The following STYXL1 variants were observed in gnomAD, a reference collection of about 807,000 sequenced individuals.
STYXL1 encodes the protein serine/threonine/tyrosine interacting like 1.
A neutral mutation model predicts 36.4 loss-of-function variants in STYXL1; 32 were observed. The observed-to-expected ratio is 0.88, with a 90% CI of 0.66 to 1.18. The LOEUF (loss-of-function observed/expected upper bound fraction) is 1.18, where lower values mean the gene tolerates loss of function less well. STYXL1 is among the 50% of genes most tolerant of loss of function. The probability of loss-of-function intolerance (pLI) is 0.00; values close to 1 mark genes in which losing one functional copy is unlikely to be tolerated. For synonymous variants in STYXL1, 133 were observed against 144.1 expected, an observed-to-expected ratio of 0.92 and a Z score of 0.55; for missense variants, 354 against 394.1, an observed-to-expected ratio of 0.90 and a Z score of 0.86.
intron 1 of STYXL1, chr7:76,044,690 T>G (rs1403603339): frequency 6.6e-6 from 1 of 152,258 alleles, no homozygotes; most frequent in Non-Finnish European, 1.5e-5. Context: ...CAGTTCCTTT[T>G]TTCCCCCCTT....
At chr7:76,028,379 C>T (rs1327948674) in intron 3 of STYXL1, among the ~76,000 whole-genome samples, 6 of 152,104 alleles carry the variant, frequency 3.9e-5, no homozygotes, top group African/African-American at 1.4e-4. Flanking sequence ...TGTGCCACTG[C>T]ACTCCAGCCT....
Position 76,013,789 on chromosome 7 carries a change from C to A in STYXL1, c.406G>T (p.Gly136Cys), listed in dbSNP as rs1554572986. The change falls in exon 5 of 9, where the codon GGC (glycine) becomes TGC (cysteine). Residue 136 changes from glycine (G) to cysteine (C), a missense_variant. Transcript: ENST00000359697. ...TGGGTCCGGAGAAAGTGGTACGTGCCTGAGAAGCGCTCATAGCCCCCTTTC... is the reference window on the plus strand; with the variant it reads ...TGGGTCCGGAGAAAGTGGTACGTGCATGAGAAGCGCTCATAGCCCCCTTTC... ...ILKGGYERFS[G>C]TYHFLRTQKI... 5.6e-6 allele frequency: 9 copies of A among 1,613,798 alleles called. No individual in the cohort carries two copies. The highest frequency in any genetic ancestry group is 7.6e-6 in the Non-Finnish European group (9 of 1,179,974).
chr7:76,009,007 C>CCAAAA (rs1401084872), intron 5 of STYXL1, among the ~76,000 whole-genome samples: 8 of 151,542 alleles, frequency 5.3e-5, no homozygotes, highest in Middle Eastern at 3.4e-3. Context: ...CAAAAAAAAA[C>CCAAAA]CAAAACAAAA....
At position 76,046,917 on chromosome 7, in the gene STYXL1, C is replaced by T. The variant is rs1039589836; in HGVS notation, c.-5+745G>A. 9.2e-5 allele frequency among the ~76,000 whole-genome samples: 14 copies of T among 151,532 alleles called. No homozygotes were observed. The East Asian group carries it at 2.8e-3, about 31-fold the overall frequency. On this transcript the variant is annotated intron_variant, in intron 1 of 8. Coordinates refer to ENST00000359697, the MANE Select transcript of STYXL1 (RefSeq NM_001317785.2). Reference sequence around the variant, plus strand: ...CGGCCCGCCTCAGCCTCCCAGAGTGCTGGGATTACAGGCATGAGCCACCTT... The same window carrying T: ...CGGCCCGCCTCAGCCTCCCAGAGTGTTGGGATTACAGGCATGAGCCACCTT...
At chr7:76,023,484 C>T (rs1359225063) in intron 3 of STYXL1, among the ~76,000 whole-genome samples, 2 of 152,070 alleles carry the variant, frequency 1.3e-5, no homozygotes, top group Non-Finnish European at 2.9e-5. Context: ...GCACTTCAGC[C>T]TCCTGAGTAG....
intron 8 of STYXL1, 62 bp downstream of exon 8, chr7:76,000,828 G>T: frequency 6.8e-7 from 1 of 1,460,318 alleles, no homozygotes; most frequent in Non-Finnish European, 9.6e-7. Flanking sequence ...CTCCCAGGTT[G>T]CGCTCTGACC....
intron 4 of STYXL1, 109 bp downstream of exon 4, chr7:76,021,742 G>C: frequency 2.5e-6 from 2 of 793,806 alleles, no homozygotes; most frequent in Non-Finnish European, 4.3e-6. Context: ...TGCTGTCTCA[G>C]TGTCATTGGC....
At chr7:76,016,281 T>A (rs530640855) in intron 4 of STYXL1, among the ~76,000 whole-genome samples, 323 of 151,672 alleles carry the variant, frequency 2.1e-3, no homozygotes, top group Non-Finnish European at 3.8e-3. Context: ...TGTGTATATA[T>A]GTATATCTAT....
At position 76,011,772 on chromosome 7, in the gene STYXL1, C is replaced by G. The variant is rs148867004; in HGVS notation, c.453+1970G>C. 2.3e-3 allele frequency among the ~76,000 whole-genome samples: 347 copies of G among 152,352 alleles called. 3 individuals are homozygous for G. The Middle Eastern group carries it at 0.027, about 12-fold the overall frequency. On this transcript the variant is annotated intron_variant, in intron 5 of 8. Transcript: ENST00000359697. ...CCAGTTCTCTTCCTCGAAATCTCCT[C>G]CTCCGTCAGATTTGGCTCTGGGAAG...
rs1159067824 is a variant in STYXL1, at chr7:76,026,192, C to CAAAAAAAAAAAAAAAAAA, written c.165+2432_165+2449dup. Among the ~76,000 whole-genome samples the CAAAAAAAAAAAAAAAAAA allele has an allele frequency of 4.3e-4, 8 of 18,624 alleles. 3 individuals are homozygous for CAAAAAAAAAAAAAAAAAA. Among genetic ancestry groups the CAAAAAAAAAAAAAAAAAA allele is most frequent in the Non-Finnish European group, 6.1e-4 (7 of 11,488 alleles). The allele number at this position is 18,624 out of a possible 152,430, so 12.2% of individuals were successfully genotyped here. ...GGAGGACAGAGCAAGACTCTGTCTC[C>CAAAAAAAAAAAAAAAAAA]AAAAAAAAAAAAAAAAAAAAAAAAA... On this transcript the variant is annotated intron_variant, in intron 3 of 8. Coordinates refer to ENST00000359697, the MANE Select transcript of STYXL1 (RefSeq NM_001317785.2).
intron 1 of STYXL1, among the ~76,000 whole-genome samples, chr7:76,034,256 C>T (rs1554580224): frequency 6.9e-6 from 1 of 145,386 alleles, no homozygotes; most frequent in East Asian, 1.9e-4. Context: ...GCACATGCCA[C>T]CATGGCCGGC....
intron 7 of STYXL1, among the ~76,000 whole-genome samples, chr7:76,001,619 G>A (rs1332974703): frequency 2.6e-5 from 4 of 151,694 alleles, no homozygotes; most frequent in East Asian, 2.0e-4. Flanking sequence ...TTAACCTCCC[G>A]AGTACCTGGG....
At chr7:76,041,826 T>G (rs552758824) in intron 1 of STYXL1, among the ~76,000 whole-genome samples, 1 of 152,208 alleles carries the variant, frequency 6.6e-6, no homozygotes, top group Non-Finnish European at 1.5e-5. Flanking sequence ...TTTACGATCA[T>G]AGAAATCAGG....
At chr7:76,015,962 C>G (rs1793252386) in intron 4 of STYXL1, among the ~76,000 whole-genome samples, 1 of 152,178 alleles carries the variant, frequency 6.6e-6, no homozygotes, top group South Asian at 2.1e-4. Context: ...AAACATTGGA[C>G]TCCAAGTTCT....
At chr7:76,041,519 T>C (rs1237173583) in intron 1 of STYXL1, among the ~76,000 whole-genome samples, 1 of 152,182 alleles carries the variant, frequency 6.6e-6, no homozygotes, top group African/African-American at 2.4e-5. Context: ...AATGGACTAG[T>C]TCTTGAGAGC....
intron 1 of STYXL1, among the ~76,000 whole-genome samples, chr7:76,042,970 C>T (rs976934796): frequency 1.3e-5 from 2 of 151,360 alleles, no homozygotes; most frequent in African/African-American, 4.9e-5. Flanking sequence ...CTGAGGCTGG[C>T]GTGAGGCTGG....
chr7:76,010,169 C>G (rs1426479189), intron 5 of STYXL1, among the ~76,000 whole-genome samples: 2 of 152,084 alleles, frequency 1.3e-5, no homozygotes, highest in Non-Finnish European at 1.5e-5. Flanking sequence ...CAAGGAGGAG[C>G]AAGGAGGAGT....
intron 1 of STYXL1, among the ~76,000 whole-genome samples, chr7:76,038,400 T>TTA (rs1256798136): frequency 3.5e-5 from 5 of 144,636 alleles, no homozygotes; most frequent in Non-Finnish European, 7.6e-5. Flanking sequence ...AGGACCTGCT[T>TTA]TATGTTTGGG....
At chr7:75,999,551 G>GAGTGTGTGTGTGTGTA (rs1790590726) in intron 8 of STYXL1, among the ~76,000 whole-genome samples, 2 of 80,060 alleles carry the variant, frequency 2.5e-5, no homozygotes, top group African/African-American at 8.3e-5. Flanking sequence ...GTGTGTGTGT[G>GAGTGTGTGTGTGTGTA]TATATTTTTT....
Sources: gnomAD v4.1 joint callset for allele counts (sites outside exome capture counted in the v4.1 genomes callset) on GRCh38, gnomAD v4.1.1 for gene constraint, MANE v1.5 for transcripts, NCBI Gene and HGNC (gene_info 2026-07-23, HGNC 2026-07-21) for gene names.